The following VSTM5 variants were observed in gnomAD, a reference collection of about 807,000 sequenced individuals.
The protein encoded by VSTM5 is V-set and transmembrane domain-containing protein 5.
In VSTM5, 21 loss-of-function variants were observed where a neutral mutation model predicts 20.3. The observed-to-expected ratio is 1.03, with a 90% CI of 0.73 to 1.49. The LOEUF (loss-of-function observed/expected upper bound fraction) is 1.49. VSTM5 is among the 40% of genes most tolerant of loss of function. The pLI, the probability that VSTM5 is intolerant of heterozygous loss-of-function variation, is 0.00. For synonymous variants in VSTM5, 100 were observed against 102.5 expected, an observed-to-expected ratio of 0.98 and a Z score of 0.14; for missense variants, 219 against 250.0, an observed-to-expected ratio of 0.88 and a Z score of 0.84.
chr11:93,846,695 A>T (rs1357874741), intron 1 of VSTM5, among the ~76,000 whole-genome samples: 1 of 152,234 alleles, frequency 6.6e-6, no homozygotes, highest in Non-Finnish European at 1.5e-5. Context: ...TAGAGCTAAA[A>T]AAAATTGGTG....
At position 93,841,264 on chromosome 11, in the gene VSTM5, C is replaced by G. The variant is rs540790049; in HGVS notation, c.91+9148G>C. ...CAACAGGGACTTCAAAAGAGTACTT[C>G]TAACCCAGAAAACATTGTAAACTCT... On this transcript the variant is annotated intron_variant, in intron 1 of 3. Transcript: ENST00000409977. Among the ~76,000 whole-genome samples, 22 of 152,250 alleles carry G rather than the reference C, an allele frequency of 1.4e-4. No individual in the cohort carries two copies. In the South Asian group the frequency reaches 4.6e-3, roughly 32 times the overall value.
intron 1 of VSTM5, among the ~76,000 whole-genome samples, chr11:93,844,715 CTCT>C (rs1387680866): frequency 2.0e-5 from 3 of 152,226 alleles, no homozygotes. Flanking sequence ...CCATCAAGGC[CTCT>C]TCTTCAAGAA....
chr11:93,820,439 A>T lies in VSTM5; in HGVS notation c.*130T>A. On this transcript the variant is annotated 3_prime_UTR_variant, in exon 4 of 4. Coordinates refer to ENST00000409977, the MANE Select transcript of VSTM5 (RefSeq NM_001144871.2). ...TCAACTCCATGCAGTCAATGTTGTT[A>T]ATCTCCCACTGTCCTGTTAGGAGCG... 2 of 933,042 alleles carry T rather than the reference A, an allele frequency of 2.1e-6. No individual in the cohort carries two copies. Among genetic ancestry groups the T allele is most frequent in the Non-Finnish European group, 3.3e-6 (2 of 610,476 alleles). The allele number at this position is 933,042 out of a possible 1,614,324, so 57.8% of individuals were successfully genotyped here.
In VSTM5 at chr11:93,845,467, C is replaced by T. The variant is rs73556831; in HGVS notation, c.91+4945G>A. On this transcript the variant is annotated intron_variant, in intron 1 of 3. Coordinates refer to ENST00000409977, the MANE Select transcript of VSTM5 (RefSeq NM_001144871.2). Reference sequence around the variant, plus strand: ...AATGTCCTGTGCTCCTTTTACTGTCCAGTGTGTCATTTTTCCTTTTCCTAA... The same window carrying T: ...AATGTCCTGTGCTCCTTTTACTGTCTAGTGTGTCATTTTTCCTTTTCCTAA... Among the ~76,000 whole-genome samples, 1,190 of 152,268 alleles carry T rather than the reference C, an allele frequency of 7.8e-3. 18 individuals are homozygous for T. The highest frequency in any genetic ancestry group is 0.027 in the African/African-American group (1,120 of 41,550).
At chr11:93,828,934 C>A (rs1033978594) in intron 1 of VSTM5, among the ~76,000 whole-genome samples, 2 of 152,100 alleles carry the variant, frequency 1.3e-5, no homozygotes, top group African/African-American at 4.8e-5. Context: ...CAGGACACAC[C>A]CAGGCTCTAC....
intron 1 of VSTM5, among the ~76,000 whole-genome samples, chr11:93,833,132 G>A (rs770447254): frequency 3.3e-5 from 5 of 152,208 alleles, no homozygotes; most frequent in Non-Finnish European, 5.9e-5. Flanking sequence ...ATGTTATACA[G>A]AATATAAAAC....
Position 93,819,062 on chromosome 11 carries a change from T to G in VSTM5, c.*1507A>C, listed in dbSNP as rs983139073. The G allele has an allele frequency of 6.6e-6, 1 of 152,088 alleles. No homozygotes were observed. Among genetic ancestry groups the G allele is most frequent in the Non-Finnish European group, 1.5e-5 (1 of 68,024 alleles). 9.4% of individuals were successfully genotyped at this position (152,088 alleles called of 1,614,324 possible). ...ATTCTGAGAGATCCCTTCCCAAAACTCTGGATTCAATATTGAGGGAAAGGG... is the reference window on the plus strand; with the variant it reads ...ATTCTGAGAGATCCCTTCCCAAAACGCTGGATTCAATATTGAGGGAAAGGG... On this transcript the variant is annotated 3_prime_UTR_variant, in exon 4 of 4. Coordinates refer to ENST00000409977, the MANE Select transcript of VSTM5 (RefSeq NM_001144871.2).
chr11:93,846,752 A>T (rs893241906), intron 1 of VSTM5, among the ~76,000 whole-genome samples: 3 of 142,892 alleles, frequency 2.1e-5, no homozygotes, highest in African/African-American at 5.3e-5. Flanking sequence ...TGCATTTTTA[A>T]AAAATTTTTT....
intron 1 of VSTM5, among the ~76,000 whole-genome samples, chr11:93,847,635 T>C (rs1271310764): frequency 6.6e-6 from 1 of 152,228 alleles, no homozygotes; most frequent in Non-Finnish European, 1.5e-5. Flanking sequence ...TACTTCCGAA[T>C]GAGAGGGAGC....
intron 1 of VSTM5, among the ~76,000 whole-genome samples, chr11:93,840,245 G>A (rs1032215478): frequency 6.6e-6 from 1 of 152,194 alleles, no homozygotes; most frequent in Admixed American, 6.5e-5. Flanking sequence ...CAGCTAATCT[G>A]TTGTTTTCAA....
Position 93,843,170 on chromosome 11 carries a change from G to A in VSTM5, c.91+7242C>T, listed in dbSNP as rs146459249. Among the ~76,000 whole-genome samples, 1,055 of 151,950 alleles carry A rather than the reference G, an allele frequency of 6.9e-3. 17 individuals are homozygous for A. Among genetic ancestry groups the A allele is most frequent in the African/African-American group, 0.024 (1,010 of 41,428 alleles). ...AAATTCTCCTCCAGAAAAACTATTA[G>A]GCCAATTCCTCTTTATCCTTTAAGG... On this transcript the variant is annotated intron_variant, in intron 1 of 3. Coordinates refer to ENST00000409977, the MANE Select transcript of VSTM5 (RefSeq NM_001144871.2).
chr11:93,822,813 A>G (rs1944200387), intron 1 of VSTM5, among the ~76,000 whole-genome samples: 1 of 152,156 alleles, frequency 6.6e-6, no homozygotes, highest in Non-Finnish European at 1.5e-5. Flanking sequence ...GTGGCTATCT[A>G]TCAATCACGT....
chr11:93,843,835 A>C (rs1174398133), intron 1 of VSTM5, among the ~76,000 whole-genome samples: 1 of 151,686 alleles, frequency 6.6e-6, no homozygotes, highest in Non-Finnish European at 1.5e-5. Context: ...ATGACTCCTC[A>C]CCCCCAATTC....
intron 1 of VSTM5, among the ~76,000 whole-genome samples, chr11:93,836,475 C>G (rs1944323575): frequency 6.6e-6 from 1 of 152,218 alleles, no homozygotes; most frequent in African/African-American, 2.4e-5. Context: ...GATCCAGGCA[C>G]ACTGCCCTTT....
At chr11:93,849,752 G>C (rs568317267) in intron 1 of VSTM5, among the ~76,000 whole-genome samples, 4 of 152,332 alleles carry the variant, frequency 2.6e-5, no homozygotes, top group African/African-American at 4.8e-5. Flanking sequence ...AGAGCCTCTG[G>C]GACTACGCTT....
At chr11:93,834,306 G>A (rs1049374245) in intron 1 of VSTM5, among the ~76,000 whole-genome samples, 1 of 152,078 alleles carries the variant, frequency 6.6e-6, no homozygotes, top group Non-Finnish European at 1.5e-5. Context: ...TACTATACAG[G>A]CTCCCTCCTC....
chr11:93,823,131 A>C (rs1293606071), intron 1 of VSTM5, among the ~76,000 whole-genome samples: 1 of 152,080 alleles, frequency 6.6e-6, no homozygotes, highest in Non-Finnish European at 1.5e-5. Flanking sequence ...TGCTGATACA[A>C]CTGGAAACTG....
intron 1 of VSTM5, among the ~76,000 whole-genome samples, chr11:93,830,042 G>A (rs1347296384): frequency 1.3e-5 from 2 of 152,142 alleles, no homozygotes; most frequent in African/African-American, 4.8e-5. Context: ...AGAAAACTAG[G>A]ACGACCCAGG....
chr11:93,843,681 C>G (rs1014221238), intron 1 of VSTM5, among the ~76,000 whole-genome samples: 1 of 152,168 alleles, frequency 6.6e-6, no homozygotes, highest in Non-Finnish European at 1.5e-5. Context: ...TTATAAAAAA[C>G]TGAGGAGATA....
Sources: allele counts gnomAD v4.1 joint callset (sites outside exome capture counted in the v4.1 genomes callset), GRCh38; gene constraint gnomAD v4.1.1; transcripts MANE v1.5; gene names NCBI Gene and HGNC (gene_info 2026-07-23, HGNC 2026-07-21).